PCDHGA4: variants seen among roughly 807,000 people sequenced by gnomAD.
The protein encoded by PCDHGA4 is protocadherin gamma-A4.
PCDHGA4 carries 38 observed loss-of-function variants against 54.6 expected under a neutral mutation model. The ratio of observed to expected loss-of-function variants is 0.70; its 90% confidence interval spans 0.54 to 0.91. The LOEUF (loss-of-function observed/expected upper bound fraction) is 0.91. Ranked by LOEUF, PCDHGA4 falls within the 40% of genes least tolerant of loss-of-function variation. PCDHGA4 has a pLI of 0.00. For missense variants in PCDHGA4, 1,298 were observed against 1,220.9 expected (o/e 1.06, Z -0.94); for synonymous variants, 511 against 512.9 (o/e 1.00, Z 0.05).
At chr5:141,374,511 T>A in intron 1 of PCDHGA4, 2 of 1,611,912 alleles carry the variant, frequency 1.2e-6, no homozygotes, top group Non-Finnish European at 8.5e-7. Flanking sequence ...GTGAAAATTC[T>A]CGAAAACGCA....
chr5:141,364,365 A>G, intron 1 of PCDHGA4: 3 of 1,562,826 alleles, frequency 1.9e-6, no homozygotes, highest in Non-Finnish European at 2.6e-6. Context: ...GGCTGCGGAG[A>G]GCTGCTGCTG....
At chr5:141,441,279 C>T (rs3792898) in intron 1 of PCDHGA4, 17,193 of 152,116 alleles carry the variant, frequency 0.11, 1,155 homozygotes, top group African/African-American at 0.18. Context: ...CGGGAGAAAA[C>T]GAGGTCACAT....
intron 1 of PCDHGA4, chr5:141,367,483 G>A (rs971322037): frequency 1.5e-4 from 23 of 152,288 alleles, no homozygotes; most frequent in African/African-American, 5.5e-4. Flanking sequence ...CTTGCAGTAA[G>A]CCGAGATCGC....
chr5:141,424,556 G>C (rs2096828013), intron 1 of PCDHGA4: 1 of 152,128 alleles, frequency 6.6e-6, no homozygotes, highest in South Asian at 2.1e-4. Context: ...TTGATTCAGT[G>C]CTTCTCAAAA....
intron 1 of PCDHGA4, chr5:141,384,509 G>T: frequency 6.2e-7 from 1 of 1,614,176 alleles, no homozygotes; most frequent in Non-Finnish European, 8.5e-7. Flanking sequence ...GCACATGACA[G>T]CGGGGACCCG....
At chr5:141,399,751 G>T (rs564705346) in intron 1 of PCDHGA4, 2 of 1,613,322 alleles carry the variant, frequency 1.2e-6, no homozygotes, top group Non-Finnish European at 1.7e-6. Context: ...CAGCGCAAAC[G>T]TGAGCCTGCG....
chr5:141,476,587 G>A lies in PCDHGA4; in HGVS notation c.2515-18220G>A. ...CTCCGGGGACGCGCTTTCCGCTCGA[G>A]AGCGCGCACGATCCCGATGTGGGAA... On this transcript the variant is annotated intron_variant, in intron 1 of 3. Coordinates refer to ENST00000571252, the MANE Select transcript of PCDHGA4 (RefSeq NM_018917.4). The surrounding 1 kb of genome is among the most constrained non-coding windows in gnomAD (Gnocchi z 7.6). 6.2e-7 allele frequency: 1 copy of A among 1,614,234 alleles called. No homozygotes were observed. The highest frequency in any genetic ancestry group is 1.1e-5 in the South Asian group (1 of 91,086).
At chr5:141,416,928 A>G (rs1297487387) in intron 1 of PCDHGA4, 4 of 152,170 alleles carry the variant, frequency 2.6e-5, no homozygotes, top group Non-Finnish European at 2.9e-5. Flanking sequence ...ATAGTTATTA[A>G]CTATTAAACC....
intron 1 of PCDHGA4, chr5:141,409,578 T>A: frequency 6.2e-7 from 1 of 1,613,942 alleles, no homozygotes. Context: ...TCCTACGTGG[T>A]CCACGTGGCC....
Position 141,364,261 on chromosome 5 carries a change from T to C in PCDHGA4, c.2514+6640T>C. On this transcript the variant is annotated intron_variant, in intron 1 of 3. Coordinates refer to ENST00000571252, the MANE Select transcript of PCDHGA4 (RefSeq NM_018917.4). ...ATTTTCGTCAGGGAATATGTACCCA[T>C]CGGCTTTAGATAAATAAGGAAACAG... The C allele has an allele frequency of 5.3e-6, 8 of 1,504,792 alleles. No individual in the cohort carries two copies. The South Asian group carries it at 1.1e-4, about 21-fold the overall frequency. The allele number at this position is 1,504,792 out of a possible 1,614,324, so 93.2% of individuals were successfully genotyped here. A position where few individuals can be genotyped will look rare whatever the true frequency, so the allele number is the denominator to read the frequency against.
intron 1 of PCDHGA4, chr5:141,371,744 C>G (rs759273098): frequency 1.4e-5 from 23 of 1,613,922 alleles, no homozygotes; most frequent in East Asian, 8.9e-5. Flanking sequence ...ACAACGTTCC[C>G]GTTTTCCACC....
chr5:141,425,661 C>A (rs993314865), intron 1 of PCDHGA4, among the ~76,000 whole-genome samples: 5 of 152,184 alleles, frequency 3.3e-5, no homozygotes, highest in Admixed American at 3.3e-4. Context: ...ATTATCTGCA[C>A]ATCAGATTGA....
chr5:141,375,963 G>T lies in PCDHGA4; in HGVS notation c.2514+18342G>T, dbSNP rs371650654. 16 of 1,613,262 alleles carry T rather than the reference G, an allele frequency of 9.9e-6. No homozygotes were observed. Among genetic ancestry groups the T allele is most frequent in the African/African-American group, 1.3e-5 (1 of 74,938 alleles). ...GTGGGCCTGCACACGGGCGAGGTGC[G>T]CACGGCGCGCGCCCTGCTGGACAGA... On this transcript the variant is annotated intron_variant, in intron 1 of 3. Coordinates refer to ENST00000571252, the MANE Select transcript of PCDHGA4 (RefSeq NM_018917.4).
At chr5:141,392,987 G>T in intron 1 of PCDHGA4, 1 of 1,613,930 alleles carries the variant, frequency 6.2e-7, no homozygotes. Context: ...ACCCCCGGAA[G>T]CTGGCGAAGC....
intron 1 of PCDHGA4, among the ~76,000 whole-genome samples, chr5:141,462,897 G>A (rs2099049236): frequency 6.6e-6 from 1 of 152,130 alleles, no homozygotes; most frequent in South Asian, 2.1e-4. Context: ...TGTTTTGGAA[G>A]GCTATTATGT....
rs758065876 is a variant in PCDHGA4 at position 141,422,916 on chromosome 5, C to A, written c.2514+65295C>A. 5.6e-6 allele frequency: 9 copies of A among 1,614,260 alleles called. No homozygotes were observed. In the South Asian group the frequency reaches 9.9e-5, roughly 18 times the overall value. ...ACCAGAACGACAATGCGCCCGAGAT[C>A]CTGTACCCTGCCCTCCCCACAGACG... On this transcript the variant is annotated intron_variant, in intron 1 of 3. Coordinates refer to ENST00000571252, the MANE Select transcript of PCDHGA4 (RefSeq NM_018917.4).
At chr5:141,393,314 C>T (rs2150518180) in intron 1 of PCDHGA4, 1 of 1,613,076 alleles carries the variant, frequency 6.2e-7, no homozygotes, top group Non-Finnish European at 8.5e-7. Flanking sequence ...TGAACTCCCT[C>T]CAGAGCTACC....
rs776632782 is a variant in PCDHGA4, at chr5:141,415,681, A to G, written c.2514+58060A>G. 6.3e-5 allele frequency: 95 copies of G among 1,518,728 alleles called. 2 individuals are homozygous for G. In the Middle Eastern group the frequency reaches 2.1e-3, roughly 34 times the overall value. 94.1% of individuals were successfully genotyped at this position (1,518,728 alleles called of 1,614,324 possible). A position where few individuals can be genotyped will look rare whatever the true frequency, so the allele number is the denominator to read the frequency against. Reference sequence around the variant, plus strand: ...TGGTTTTTACTTTGAAGTTTGCGGCATGATGGTGGAAAGTGTAAATGCTAA... The same window carrying G: ...TGGTTTTTACTTTGAAGTTTGCGGCGTGATGGTGGAAAGTGTAAATGCTAA... On this transcript the variant is annotated intron_variant, in intron 1 of 3. Transcript: ENST00000571252.
rs1378242002 is a variant in PCDHGA4, at chr5:141,356,178, T to C, written c.1071T>C (p.Gly357=). Residue 357 remains glycine, a synonymous_variant, in exon 1 of 4, where the codon GGT becomes GGC. Coordinates refer to ENST00000571252, the MANE Select transcript of PCDHGA4 (RefSeq NM_018917.4). ...DIDVEAHDGP[G]LRARSKVLVT... is the part of the protein sequence containing the mutation. ...ATGTAGAAGCCCATGATGGGCCTGG[T>C]CTCCGAGCTAGAAGCAAGGTACTGG... 2 of 1,612,174 alleles carry C rather than the reference T, an allele frequency of 1.2e-6. No individual in the cohort carries two copies. Among genetic ancestry groups the C allele is most frequent in the Non-Finnish European group, 8.5e-7 (1 of 1,179,082 alleles).
Sources: gnomAD v4.1 joint callset for allele counts (sites outside exome capture counted in the v4.1 genomes callset) on GRCh38, gnomAD v4.1.1 for gene constraint, Gnocchi (gnomAD v3.1) non-coding constraint, MANE v1.5 for transcripts, NCBI Gene and HGNC (gene_info 2026-07-23, HGNC 2026-07-21) for gene names.